The following PRKG1 variants were observed in gnomAD, a reference collection of about 807,000 sequenced individuals.
PRKG1 encodes the protein protein kinase cGMP-dependent 1.
In PRKG1, 35 loss-of-function variants were observed where a neutral mutation model predicts 88.1. The observed-to-expected ratio is 0.40, with a 90% CI of 0.30 to 0.53. PRKG1 has a LOEUF of 0.53. Ranked by LOEUF, PRKG1 falls within the 20% of genes least tolerant of loss-of-function variation. The pLI is 0.59. For missense variants in PRKG1, 540 were observed against 839.8 expected (o/e 0.64, Z 4.41); for synonymous variants, 303 against 292.5 (o/e 1.04, Z -0.37).
intron 2 of PRKG1, among the ~76,000 whole-genome samples, chr10:51,165,465 C>T (rs992887095): frequency 3.9e-5 from 6 of 152,064 alleles, no homozygotes; most frequent in East Asian, 3.9e-4. Flanking sequence ...TAAAGACCAT[C>T]GAGGCTAGGA....
intron 3 of PRKG1, among the ~76,000 whole-genome samples, chr10:51,505,959 G>A (rs1400922171): frequency 6.6e-6 from 1 of 151,418 alleles, no homozygotes; most frequent in South Asian, 2.1e-4. Context: ...GTTTTTTTGT[G>A]TCTCTATTTC....
chr10:51,915,899 A>C (rs1842329315), intron 5 of PRKG1, among the ~76,000 whole-genome samples: 1 of 152,234 alleles, frequency 6.6e-6, no homozygotes, highest in South Asian at 2.1e-4. Flanking sequence ...AATCACAGTT[A>C]ACATACTACC....
intron 5 of PRKG1, among the ~76,000 whole-genome samples, chr10:51,999,338 A>G (rs1389221487): frequency 6.6e-6 from 1 of 152,214 alleles, no homozygotes; most frequent in African/African-American, 2.4e-5. Flanking sequence ...TAAGTGACTC[A>G]CTATTAGAGA....
chr10:51,563,427 CA>C (rs930529929), intron 3 of PRKG1, among the ~76,000 whole-genome samples: 29 of 152,030 alleles, frequency 1.9e-4, no homozygotes, highest in African/African-American at 6.7e-4. Flanking sequence ...TAATTATTTT[CA>C]ATTTTAAAAA....
At chr10:52,146,417 A>G (rs563382009) in intron 8 of PRKG1, among the ~76,000 whole-genome samples, 10 of 152,306 alleles carry the variant, frequency 6.6e-5, no homozygotes, top group Non-Finnish European at 1.3e-4. Context: ...AGATATTAAT[A>G]TATACACATA....
At chr10:51,492,265 T>C (rs187518420) in intron 3 of PRKG1, among the ~76,000 whole-genome samples, 57 of 152,324 alleles carry the variant, frequency 3.7e-4, no homozygotes, top group African/African-American at 1.2e-3. Flanking sequence ...AGGCAGATGC[T>C]AACACGTAGA....
intron 3 of PRKG1, among the ~76,000 whole-genome samples, chr10:51,480,897 TA>T (rs1011430902): frequency 3.9e-5 from 6 of 152,006 alleles, no homozygotes; most frequent in African/African-American, 7.2e-5. Flanking sequence ...CAAATTTAGC[TA>T]GGTATATGAG....
intron 3 of PRKG1, among the ~76,000 whole-genome samples, chr10:51,543,559 A>G (rs1164185723): frequency 1.3e-5 from 2 of 152,214 alleles, no homozygotes; most frequent in Non-Finnish European, 2.9e-5. Context: ...AGATATTACT[A>G]AAAGTTTTGC....
intron 3 of PRKG1, among the ~76,000 whole-genome samples, chr10:51,570,049 G>GTA (rs10617123): frequency 0.018 from 2,361 of 128,728 alleles, 128 homozygotes; most frequent in East Asian, 0.1. Context: ...ACCCAAACTA[G>GTA]TATATATATA....
intron 3 of PRKG1, among the ~76,000 whole-genome samples, chr10:51,637,920 C>T (rs1839700288): frequency 6.6e-6 from 1 of 152,020 alleles, no homozygotes; most frequent in Non-Finnish European, 1.5e-5. Flanking sequence ...TATCCCTGAA[C>T]TTAAAATAGA....
intron 2 of PRKG1, among the ~76,000 whole-genome samples, chr10:51,298,568 G>T (rs769142493): frequency 3.3e-5 from 5 of 152,118 alleles, no homozygotes; most frequent in Non-Finnish European, 5.9e-5. Flanking sequence ...CTCCTTTTCT[G>T]GAGGAAGGGA....
At chr10:51,571,072 G>A (rs1365801899) in intron 3 of PRKG1, among the ~76,000 whole-genome samples, 1 of 151,950 alleles carries the variant, frequency 6.6e-6, no homozygotes, top group Non-Finnish European at 1.5e-5. Flanking sequence ...TTATCAGCAT[G>A]TACTCCTATG....
At chr10:51,175,176 A>C (rs1438668570) in intron 2 of PRKG1, among the ~76,000 whole-genome samples, 1 of 24,606 alleles carries the variant, frequency 4.1e-5, no homozygotes, top group Non-Finnish European at 7.6e-5. Flanking sequence ...AGCTGTAGTC[A>C]GTATGTGTTC....
At chr10:51,389,043 G>C (rs1230814701) in intron 2 of PRKG1, among the ~76,000 whole-genome samples, 4 of 152,166 alleles carry the variant, frequency 2.6e-5, no homozygotes, top group African/African-American at 9.7e-5. Flanking sequence ...CTTCAGGGAT[G>C]CAATATAATT....
intron 3 of PRKG1, among the ~76,000 whole-genome samples, chr10:51,629,975 G>A (rs551636958): frequency 3.2e-4 from 49 of 152,222 alleles, no homozygotes; most frequent in South Asian, 1.0e-3. Context: ...CTTTGATTGC[G>A]GTTACTGTAT....
At chr10:51,428,600 A>T (rs1337917003) in intron 2 of PRKG1, among the ~76,000 whole-genome samples, 1 of 152,182 alleles carries the variant, frequency 6.6e-6, no homozygotes, top group Non-Finnish European at 1.5e-5. Context: ...AACCCTGGGT[A>T]AGGGCACTAT....
intron 9 of PRKG1, among the ~76,000 whole-genome samples, chr10:52,212,617 G>C (rs577854443): frequency 1.1e-4 from 16 of 151,062 alleles, no homozygotes; most frequent in African/African-American, 3.9e-4. Flanking sequence ...GGTGGTGTAG[G>C]GGAGAGAGAG....
At chr10:51,716,430 T>C (rs1841888464) in intron 3 of PRKG1, among the ~76,000 whole-genome samples, 1 of 152,210 alleles carries the variant, frequency 6.6e-6, no homozygotes, top group Admixed American at 6.5e-5. Flanking sequence ...CCAAGACCTC[T>C]GAAGTACCTG....
intron 8 of PRKG1, among the ~76,000 whole-genome samples, chr10:52,143,752 A>G (rs1358128739): frequency 1.3e-5 from 2 of 152,142 alleles, no homozygotes; most frequent in African/African-American, 4.8e-5. Context: ...TATCTCCCCA[A>G]TACCTTCTGC....
Sources: allele counts gnomAD v4.1 joint callset (sites outside exome capture counted in the v4.1 genomes callset), GRCh38; gene constraint gnomAD v4.1.1; transcripts MANE v1.5; gene names NCBI Gene and HGNC (gene_info 2026-07-23, HGNC 2026-07-21).